TUBGCP2: variants seen among roughly 807,000 people sequenced by gnomAD.
TUBGCP2 encodes gamma-tubulin complex component 2.
Under a neutral mutation model 92.2 loss-of-function variants are expected in TUBGCP2, and 55 were observed. The observed-to-expected ratio is 0.60, with a 90% CI of 0.48 to 0.75. The LOEUF is 0.75. TUBGCP2 is among the 30% of genes least tolerant of loss of function. The pLI is 0.00. For synonymous variants in TUBGCP2, 533 were observed against 505.2 expected, an observed-to-expected ratio of 1.06 and a Z score of -0.74; for missense variants, 1,093 against 1,188.9, an observed-to-expected ratio of 0.92 and a Z score of 1.19.
intron 15 of TUBGCP2, 85 bp downstream of exon 15, chr10:133,282,993 T>A: frequency 6.4e-7 from 1 of 1,551,022 alleles, no homozygotes; most frequent in Non-Finnish European, 8.8e-7. Flanking sequence ...CAGGAAAACG[T>A]GAGCAGGCTG....
chr10:133,285,363 T>G lies in TUBGCP2; in HGVS notation c.1895+93A>C, dbSNP rs1320440640. ...GGCCGGGGAGAGCCGCCTTGGGTCCTCTGTGGGACGAGGTGGCCACCGCGT... is the reference window on the plus strand; with the variant it reads ...GGCCGGGGAGAGCCGCCTTGGGTCCGCTGTGGGACGAGGTGGCCACCGCGT... On this transcript the variant is annotated intron_variant, in intron 12 of 17. Coordinates refer to ENST00000252936, the MANE Select transcript of TUBGCP2 (RefSeq NM_006659.4). This position sits in a 1 kb window ranked among gnomAD's most constrained non-coding sequence, Gnocchi z 6.8. The G allele has an allele frequency of 6.3e-7, 1 of 1,595,968 alleles. No individual in the cohort carries two copies. Among genetic ancestry groups the G allele is most frequent in the Admixed American group, 1.8e-5 (1 of 56,400 alleles).
chr10:133,300,945 TCTCA>T (rs1426442663), intron 2 of TUBGCP2, among the ~76,000 whole-genome samples: 11 of 139,350 alleles, frequency 7.9e-5, no homozygotes, highest in Non-Finnish European at 1.6e-4. Flanking sequence ...ATTGTATGCA[TCTCA>T]CTGTGTTCCC....
At chr10:133,299,332 G>A (rs928866146) in intron 4 of TUBGCP2, 95 bp downstream of exon 4, 1 of 1,078,020 alleles carries the variant, frequency 9.3e-7, no homozygotes, top group Non-Finnish European at 1.3e-6. Flanking sequence ...CTTCCAGCAG[G>A]GGCCCGGCAC....
At chr10:133,308,707 G>A (rs1847890099) in intron 1 of TUBGCP2, 116 bp downstream of exon 1, 1 of 300,856 alleles carries the variant, frequency 3.3e-6, no homozygotes, top group Non-Finnish European at 6.1e-6. Context: ...CACAGCCAGA[G>A]GGAGCGCGCG....
rs542092054 is a variant in TUBGCP2 at position 133,293,716 on chromosome 10, C to G, written c.670G>C (p.Val224Leu). The G allele has an allele frequency of 6.2e-7, 1 of 1,605,498 alleles. No individual in the cohort carries two copies. Among genetic ancestry groups the G allele is most frequent in the Non-Finnish European group, 8.5e-7 (1 of 1,176,874 alleles). The change falls in exon 6 of 18, where the codon GTG becomes CTG. Residue 224 changes from valine to leucine, a missense_variant. Val to Leu is a conservative substitution (Grantham distance 32). This residue lies in a region of TUBGCP2 where 490 missense variants were observed against 488.5 expected (regional missense o/e 1.00). Transcript: ENST00000252936. ...TACCTCCCGTCCACGCCCACCAGCA[C>G]GTACAGCAGGTCCTCCACCACGGCC... is the stretch of plus-strand genomic sequence containing the variant. ...ESAVVEDLLY[V>L]LVGVDGRYVS...
In TUBGCP2 at chr10:133,297,949, T is replaced by A. The variant is rs1476012890; in HGVS notation, c.616+3A>T. On this transcript the variant is annotated splice_donor_region_variant and intron_variant, in intron 5 of 17. Coordinates refer to ENST00000252936, the MANE Select transcript of TUBGCP2 (RefSeq NM_006659.4). ...AGAGCCCGGAAATCAACGCATCACG[T>A]ACCTATCGGCAAAGCGGTGTCTGTG... The A allele has an allele frequency of 6.2e-7, 1 of 1,612,916 alleles. No homozygotes were observed. The highest frequency in any genetic ancestry group is 8.5e-7 in the Non-Finnish European group (1 of 1,179,676).
chr10:133,302,163 AG>A (rs1847677189), intron 2 of TUBGCP2: 2 of 158,928 alleles, frequency 1.3e-5, no homozygotes, highest in South Asian at 3.5e-4. Flanking sequence ...GGTGAATCAC[AG>A]GAGCTGCTGG....
chr10:133,281,700 C>A (rs570421938), intron 16 of TUBGCP2, among the ~76,000 whole-genome samples: 1 of 152,396 alleles, frequency 6.6e-6, no homozygotes, highest in South Asian at 2.1e-4. Flanking sequence ...GCTTTCCCAG[C>A]AGCTTTCTCA....
At chr10:133,287,008 C>A (rs1309753676) in intron 11 of TUBGCP2, among the ~76,000 whole-genome samples, 1 of 152,236 alleles carries the variant, frequency 6.6e-6, no homozygotes, top group Non-Finnish European at 1.5e-5. Flanking sequence ...ATACAGTCAA[C>A]AAACCCAAGA....
At chr10:133,294,962 G>C (rs1847455531) in intron 5 of TUBGCP2, among the ~76,000 whole-genome samples, 1 of 152,168 alleles carries the variant, frequency 6.6e-6, no homozygotes. Context: ...GGCGTTTTGG[G>C]AACAGCGAGT....
At position 133,279,653 on chromosome 10, in the gene TUBGCP2, C is replaced by T; in HGVS notation, c.*113G>A. On this transcript the variant is annotated 3_prime_UTR_variant, in exon 18 of 18. Transcript: ENST00000252936. ...AAGTGAGCTGAGTCAATCATTCCTG[C>T]TTTATATTTAAACTGCAAAGACAGA... The T allele has an allele frequency of 1.4e-6, 2 of 1,387,220 alleles. No homozygotes were observed. The highest frequency in any genetic ancestry group is 3.5e-5 in the Admixed American group (1 of 28,970). 85.9% of individuals were successfully genotyped at this position (1,387,220 alleles called of 1,614,324 possible). A position where few individuals can be genotyped will look rare whatever the true frequency, so the allele number is the denominator to read the frequency against.
At chr10:133,298,879 G>A (rs1395220667) in intron 4 of TUBGCP2, among the ~76,000 whole-genome samples, 1 of 152,272 alleles carries the variant, frequency 6.6e-6, no homozygotes, top group Non-Finnish European at 1.5e-5. Flanking sequence ...GGACGCCTCA[G>A]GGACACAGCT....
chr10:133,279,714 T>G lies in TUBGCP2; in HGVS notation c.*52A>C. 1.3e-6 allele frequency: 2 copies of G among 1,504,344 alleles called. No homozygotes were observed. The highest frequency in any genetic ancestry group is 1.8e-6 in the Non-Finnish European group (2 of 1,125,922). 93.2% of individuals were successfully genotyped at this position (1,504,344 alleles called of 1,614,324 possible). On this transcript the variant is annotated 3_prime_UTR_variant, in exon 18 of 18. Transcript: ENST00000252936. ...TTCGATTTGAAAATTCTGGACCCAT[T>G]TGCACCAGTCCCTGCTGACCCCACA...
At chr10:133,310,352 C>G, upstream of TUBGCP2, 1 of 1,600,196 alleles carries the variant, frequency 6.2e-7, no homozygotes, top group African/African-American at 1.3e-5. Flanking sequence ...TCCAACTAGC[C>G]GGAATGCATA....
At chr10:133,311,286 A>G (rs2136154201), upstream of TUBGCP2, among the ~76,000 whole-genome samples, 1 of 152,334 alleles carries the variant, frequency 6.6e-6, no homozygotes, top group Non-Finnish European at 1.5e-5. Context: ...ACAAAGACTT[A>G]CGTGTAAAGT....
In TUBGCP2 at chr10:133,279,430, G is replaced by T. The variant is rs746515099; in HGVS notation, c.*336C>A. On this transcript the variant is annotated 3_prime_UTR_variant, in exon 18 of 18. Coordinates refer to ENST00000252936, the MANE Select transcript of TUBGCP2 (RefSeq NM_006659.4). Reference sequence around the variant, plus strand: ...GCCCCAGCTCACCCGGAAAGATGTGGACACCAGGCCTGGATCTTACCCCAC... The same window carrying T: ...GCCCCAGCTCACCCGGAAAGATGTGTACACCAGGCCTGGATCTTACCCCAC... 3.9e-5 allele frequency: 10 copies of T among 257,266 alleles called. No homozygotes were observed. The highest frequency in any genetic ancestry group is 6.8e-5 in the African/African-American group (3 of 43,868). The allele number at this position is 257,266 out of a possible 1,614,324, so 15.9% of individuals were successfully genotyped here.
Position 133,289,992 on chromosome 10 carries a change from G to A in TUBGCP2, c.1215-23C>T, listed in dbSNP as rs200579920. On this transcript the variant is annotated intron_variant, in intron 8 of 17. Transcript: ENST00000252936. ...TCACTAAAACCACAGGGAGCGCTTC[G>A]GTCACAGGCAAAGCAAGGGCGCCTG... The A allele has an allele frequency of 7.5e-4, 1,196 of 1,605,170 alleles. 2 individuals are homozygous for A. The African/African-American group carries it at 0.01, about 14-fold the overall frequency.
chr10:133,283,241 C>T lies in TUBGCP2; in HGVS notation c.2146-20G>A, dbSNP rs756317388. ...GGAGGCCTGCGGGGAACAGGCCAAG[C>T]CCCTTCTCAGAAAGACGTGGCTGAC... is the stretch of plus-strand genomic sequence containing the variant. On this transcript the variant is annotated intron_variant, in intron 14 of 17. Coordinates refer to ENST00000252936, the MANE Select transcript of TUBGCP2 (RefSeq NM_006659.4). 1 of 1,613,490 alleles carries T rather than the reference C, an allele frequency of 6.2e-7. No homozygotes were observed. Among genetic ancestry groups the T allele is most frequent in the South Asian group, 1.1e-5 (1 of 91,088 alleles).
chr10:133,285,542 G>A lies in TUBGCP2; in HGVS notation c.1809C>T (p.Ala603=), dbSNP rs753257339. 1.2e-5 allele frequency: 19 copies of A among 1,591,954 alleles called. No individual in the cohort carries two copies. The highest frequency in any genetic ancestry group is 3.5e-5 in the Admixed American group (2 of 57,800). The change falls in exon 12 of 18, where the codon GCC becomes GCT. Residue 603 remains alanine, a synonymous_variant. Transcript: ENST00000252936. This position sits in a 1 kb window ranked among gnomAD's most constrained non-coding sequence, Gnocchi z 6.8. The stretch of plus-strand genomic sequence containing the variant: ...CGCTCAGCGCCAGCTCCGTGGGGTC[G>A]GCGTGCGCCATCGCCTTCTCCTGCT... The part of the protein sequence containing the change: ...ETKQEKAMAH[A]DPTELALSGL...
Sources: allele counts gnomAD v4.1 joint callset (sites outside exome capture counted in the v4.1 genomes callset), GRCh38; gene constraint gnomAD v4.1.1; regional missense constraint gnomAD v4.1.1; non-coding constraint Gnocchi (gnomAD v3.1); transcripts MANE v1.5; gene names NCBI Gene and HGNC (gene_info 2026-07-23, HGNC 2026-07-21).